TGM3: variants seen among roughly 807,000 people sequenced by gnomAD.
TGM3 encodes the protein protein-glutamine gamma-glutamyltransferase E.
In TGM3, 52 loss-of-function variants were observed where a neutral mutation model predicts 73.8. The ratio of observed to expected loss-of-function variants is 0.70; its 90% CI spans 0.56 to 0.89. The LOEUF (loss-of-function observed/expected upper bound fraction) is 0.89. TGM3 is among the 40% of genes least tolerant of loss of function. The pLI, the probability that TGM3 is intolerant of heterozygous loss-of-function variation, is 0.00. For missense variants in TGM3, 928 were observed against 909.9 expected (o/e 1.02, Z -0.26); for synonymous variants, 372 against 354.9 (o/e 1.05, Z -0.54).
intron 1 of TGM3, among the ~76,000 whole-genome samples, chr20:2,307,907 G>A (rs1326726964): frequency 6.6e-6 from 1 of 151,964 alleles, no homozygotes; most frequent in African/African-American, 2.4e-5. Flanking sequence ...GTCAAGCAGT[G>A]TGCTAGGCAT....
At chr20:2,307,004 T>G (rs189357156) in intron 1 of TGM3, among the ~76,000 whole-genome samples, 4 of 152,270 alleles carry the variant, frequency 2.6e-5, no homozygotes, top group Admixed American at 6.5e-5. Flanking sequence ...GAATGCTCAT[T>G]TTCCCCCTGC....
In TGM3 at chr20:2,296,503, G is replaced by C. The variant is rs182504062; in HGVS notation, c.7+433G>C. On this transcript the variant is annotated intron_variant, in intron 1 of 12. Coordinates refer to ENST00000381458, the MANE Select transcript of TGM3 (RefSeq NM_003245.4). ...AGAAGCACATCTCAGAACTACCAGG[G>C]AGTGAGAGTGGTAACATGTAAGTTG... 4.0e-3 allele frequency among the ~76,000 whole-genome samples: 616 copies of C among 152,258 alleles called. 3 individuals carry two copies. Among genetic ancestry groups the C allele is most frequent in the Non-Finnish European group, 6.6e-3 (446 of 68,020 alleles).
intron 12 of TGM3, 40 bp downstream of exon 12, chr20:2,340,027 A>AGGGGGTGGGGGGGGGGGGGG: frequency 2.3e-5 from 3 of 133,142 alleles, no homozygotes; most frequent in Middle Eastern, 6.8e-4. Context: ...GGAGGGCGGG[A>AGGGGGTGGGGGGGGGGGGGG]GGGGGCGGGG....
At chr20:2,329,123 T>C (rs1481952841) in intron 9 of TGM3, among the ~76,000 whole-genome samples, 12 of 152,216 alleles carry the variant, frequency 7.9e-5, no homozygotes, top group Admixed American at 7.9e-4. Context: ...CAGGCCACAG[T>C]CACTCCTAAA....
At chr20:2,340,144 TGG>T (rs955915382) in intron 12 of TGM3, among the ~76,000 whole-genome samples, 157 bp downstream of exon 12, 3 of 152,156 alleles carry the variant, frequency 2.0e-5, no homozygotes, top group African/African-American at 7.2e-5. Context: ...GCATTTGGTT[TGG>T]GGGTTCACCA....
chr20:2,336,587 C>G (rs2422690), intron 11 of TGM3, among the ~76,000 whole-genome samples: 45,324 of 147,276 alleles, frequency 0.31, 7,458 homozygotes, highest in East Asian at 0.46. Flanking sequence ...GCTCTGATGC[C>G]GGGCCTGGTT....
In TGM3 at chr20:2,309,716, G is replaced by C; in HGVS notation, c.67G>C (p.Asp23His). The C allele has an allele frequency of 6.2e-7, 1 of 1,614,182 alleles. No homozygotes were observed. The highest frequency in any genetic ancestry group is 8.5e-7 in the Non-Finnish European group (1 of 1,180,014). Reference sequence around the variant, plus strand: ...CTTCAACCGACAAGCGCATCACACAGACAAGTTCTCCAGCCAGGAGCTCAT... The same window carrying C: ...CTTCAACCGACAAGCGCATCACACACACAAGTTCTCCAGCCAGGAGCTCAT... ...TAFNRQAHHT[D>H]KFSSQELILR... The change falls in exon 2 of 13, where the codon GAC (aspartate) becomes CAC (histidine). Residue 23 changes from aspartate (D) to histidine (H), a missense_variant. By Grantham distance (81) the Asp-to-His change is moderately conservative. Transcript: ENST00000381458.
chr20:2,296,240 G>A (rs543132026), intron 1 of TGM3, among the ~76,000 whole-genome samples, 170 bp downstream of exon 1: 217 of 152,350 alleles, frequency 1.4e-3, no homozygotes, highest in Non-Finnish European at 4.0e-4. Flanking sequence ...TCTCAGTGGT[G>A]GTTGGGTCCC....
chr20:2,328,014 G>A lies in TGM3; in HGVS notation c.1088-106G>A, dbSNP rs566734726. On this transcript the variant is annotated intron_variant, in intron 8 of 12. Coordinates refer to ENST00000381458, the MANE Select transcript of TGM3 (RefSeq NM_003245.4). This position sits in a 1 kb window ranked among gnomAD's most constrained non-coding sequence, Gnocchi z 5.2. ...CAGTCAGGGGTGAAGGAATTTGGGC[G>A]GGGCAGAGGCAGGGGGTTGCAGTGG... 1.1e-5 allele frequency: 17 copies of A among 1,509,712 alleles called. No individual in the cohort carries two copies. The highest frequency in any genetic ancestry group is 6.8e-5 in the East Asian group (3 of 44,076). The allele number at this position is 1,509,712 out of a possible 1,614,324, so 93.5% of individuals were successfully genotyped here.
At chr20:2,301,258 G>A (rs2084145683) in intron 1 of TGM3, among the ~76,000 whole-genome samples, 1 of 151,490 alleles carries the variant, frequency 6.6e-6, no homozygotes, top group Non-Finnish European at 1.5e-5. Flanking sequence ...GGGCCAGCCA[G>A]GAGCTAAAGA....
At chr20:2,302,104 G>A (rs972600967) in intron 1 of TGM3, among the ~76,000 whole-genome samples, 6 of 152,204 alleles carry the variant, frequency 3.9e-5, no homozygotes, top group African/African-American at 1.4e-4. Flanking sequence ...CTGGTTGGGG[G>A]CTAGGGATAG....
chr20:2,326,636 A>T (rs949621467), intron 8 of TGM3, among the ~76,000 whole-genome samples: 12 of 152,086 alleles, frequency 7.9e-5, no homozygotes, highest in African/African-American at 2.4e-4. Context: ...ATCTGTTGAG[A>T]TCAGGAGTTC....
rs941252303 is a variant in TGM3 at position 2,332,826 on chromosome 20, C to G, written c.1642+516C>G. Among the ~76,000 whole-genome samples the G allele has an allele frequency of 2.0e-5, 3 of 152,222 alleles. No individual in the cohort carries two copies. Among genetic ancestry groups the G allele is most frequent in the African/African-American group, 4.8e-5 (2 of 41,450 alleles). On this transcript the variant is annotated intron_variant, in intron 10 of 12. Coordinates refer to ENST00000381458, the MANE Select transcript of TGM3 (RefSeq NM_003245.4). This position sits in a 1 kb window ranked among gnomAD's most constrained non-coding sequence, Gnocchi z 4.4. ...CTTACCCACCTCACCCCCACTCCCACAACAAATCGCTTTTCAAATTTGACC... is the reference window on the plus strand; with the variant it reads ...CTTACCCACCTCACCCCCACTCCCAGAACAAATCGCTTTTCAAATTTGACC...
intron 1 of TGM3, among the ~76,000 whole-genome samples, chr20:2,298,841 C>T (rs1308340296): frequency 6.6e-6 from 1 of 152,144 alleles, no homozygotes; most frequent in South Asian, 2.1e-4. Flanking sequence ...GAGATGGCCC[C>T]TCTGGGCTCA....
At chr20:2,320,716 G>T (rs1297893297) in intron 7 of TGM3, among the ~76,000 whole-genome samples, 1 of 152,164 alleles carries the variant, frequency 6.6e-6, no homozygotes, top group African/African-American at 2.4e-5. Context: ...TTTCGGGGGA[G>T]CTTAGTTTGG....
chr20:2,310,196 C>T lies in TGM3; in HGVS notation c.200C>T (p.Ser67Leu), dbSNP rs1427211915. The T allele has an allele frequency of 2.5e-6, 4 of 1,614,060 alleles. No homozygotes were observed. The highest frequency in any genetic ancestry group is 1.3e-5 in the African/African-American group (1 of 74,948). ...TTGACAGGGCCTTACCCCTCAGAGT[C>T]GGCCATGACGAAGGCTGTGTTTCCA... ...IVSTGPYPSE[S>L]AMTKAVFPLS... The change falls in exon 3 of 13, where the codon TCG becomes TTG. Residue 67 changes from serine to leucine, a missense_variant. Physicochemically the swap from Ser to Leu is moderately radical, Grantham distance 145. Coordinates refer to ENST00000381458, the MANE Select transcript of TGM3 (RefSeq NM_003245.4).
intron 1 of TGM3, among the ~76,000 whole-genome samples, chr20:2,299,356 C>T (rs182072497): frequency 4.2e-4 from 64 of 152,304 alleles, no homozygotes; most frequent in African/African-American, 1.4e-3. Context: ...CAAGTCCTCC[C>T]CACTCCCGCT....
chr20:2,317,597 G>A (rs2084241682), intron 7 of TGM3, 112 bp downstream of exon 7: 3 of 1,430,582 alleles, frequency 2.1e-6, no homozygotes, highest in Middle Eastern at 3.7e-4. Context: ...CAAGTAACAT[G>A]TCATCACAGG....
chr20:2,307,563 CT>C (rs939405360), intron 1 of TGM3, among the ~76,000 whole-genome samples: 1 of 152,060 alleles, frequency 6.6e-6, no homozygotes, highest in Non-Finnish European at 1.5e-5. Context: ...CTGAAAGTGA[CT>C]TTTTTTGCCT....
Sources: gnomAD v4.1 joint callset for allele counts (sites outside exome capture counted in the v4.1 genomes callset) on GRCh38, gnomAD v4.1.1 for gene constraint, Gnocchi (gnomAD v3.1) non-coding constraint, MANE v1.5 for transcripts, NCBI Gene and HGNC (gene_info 2026-07-23, HGNC 2026-07-21) for gene names.